The following MOB3B variants were observed in gnomAD, a reference collection of about 807,000 sequenced individuals.
MOB3B encodes MOB kinase activator-like 2B.
In MOB3B, 7 loss-of-function variants were observed where a neutral mutation model predicts 18.7. The ratio of observed to expected loss-of-function variants is 0.37; its 90% CI spans 0.21 to 0.70. The LOEUF (loss-of-function observed/expected upper bound fraction) is 0.70, where lower values mean the gene tolerates loss of function less well. Ranked by LOEUF, MOB3B falls within the 30% of genes least tolerant of loss-of-function variation. MOB3B has a pLI of 0.52. For missense variants in MOB3B, 253 were observed against 281.3 expected, an observed-to-expected ratio of 0.90 and a Z score of 0.72; for synonymous variants, 111 against 99.9, an observed-to-expected ratio of 1.11 and a Z score of -0.66.
intron 1 of MOB3B, chr9:27,524,407 G>C (rs1820395287): frequency 1.9e-6 from 3 of 1,613,872 alleles, no homozygotes; most frequent in Admixed American, 3.3e-5. Flanking sequence ...TTCATTGCTG[G>C]CACCCTATCC....
At chr9:27,338,639 C>T (rs919199762) in intron 3 of MOB3B, among the ~76,000 whole-genome samples, 4 of 152,330 alleles carry the variant, frequency 2.6e-5, no homozygotes, top group East Asian at 1.9e-4. Flanking sequence ...TGTGGCAAAG[C>T]GGGAACCGTA....
At chr9:27,372,173 T>C (rs1166393817) in intron 2 of MOB3B, among the ~76,000 whole-genome samples, 1 of 152,104 alleles carries the variant, frequency 6.6e-6, no homozygotes, top group Non-Finnish European at 1.5e-5. Flanking sequence ...TGGGACACCT[T>C]AGTGTCAGAA....
At chr9:27,358,201 T>C (rs561942457) in intron 3 of MOB3B, among the ~76,000 whole-genome samples, 20 of 152,356 alleles carry the variant, frequency 1.3e-4, no homozygotes, top group African/African-American at 4.6e-4. Flanking sequence ...GTAGTTGCTC[T>C]GTCAGTTATA....
chr9:27,481,505 T>C (rs10967955), intron 1 of MOB3B, among the ~76,000 whole-genome samples: 1 of 51,612 alleles, frequency 1.9e-5, no homozygotes, highest in African/African-American at 6.3e-5. Flanking sequence ...TAGTTTTTTT[T>C]TTTTTGTTTT....
chr9:27,342,564 C>A (rs1189250247), intron 3 of MOB3B, among the ~76,000 whole-genome samples: 1 of 152,148 alleles, frequency 6.6e-6, no homozygotes. Flanking sequence ...CGCAACCTCC[C>A]TGCCTGATTC....
At chr9:27,381,306 A>C (rs1268440456) in intron 2 of MOB3B, among the ~76,000 whole-genome samples, 1 of 152,070 alleles carries the variant, frequency 6.6e-6, no homozygotes, top group African/African-American at 2.4e-5. Flanking sequence ...TCCCACAAAA[A>C]TAAATGGCTG....
At chr9:27,407,380 G>T (rs543917592) in intron 2 of MOB3B, among the ~76,000 whole-genome samples, 7 of 152,272 alleles carry the variant, frequency 4.6e-5, no homozygotes, top group East Asian at 1.9e-4. Context: ...GTTTTATTTA[G>T]TTATAAAGAG....
At chr9:27,511,117 T>C (rs1820135534) in intron 1 of MOB3B, among the ~76,000 whole-genome samples, 1 of 152,186 alleles carries the variant, frequency 6.6e-6, no homozygotes, top group Non-Finnish European at 1.5e-5. Context: ...TTAACTCATT[T>C]TTGTCAGAAG....
intron 1 of MOB3B, among the ~76,000 whole-genome samples, chr9:27,522,242 CAAAAAAAAAAA>C (rs1171362204): frequency 8.9e-5 from 5 of 56,038 alleles, no homozygotes; most frequent in East Asian, 1.2e-3. Context: ...CCCCGTCTCA[CAAAAAAAAAAA>C]AAAAAAAAAA....
chr9:27,496,644 A>C (rs1819905166), intron 1 of MOB3B, among the ~76,000 whole-genome samples: 1 of 152,208 alleles, frequency 6.6e-6, no homozygotes. Context: ...GGAAACTGTA[A>C]TTAGGTGTGT....
chr9:27,502,082 C>A (rs1336379779), intron 1 of MOB3B, among the ~76,000 whole-genome samples: 1 of 152,148 alleles, frequency 6.6e-6, no homozygotes, highest in Non-Finnish European at 1.5e-5. Flanking sequence ...TATACACGAT[C>A]CTTCTCCCTA....
intron 1 of MOB3B, among the ~76,000 whole-genome samples, chr9:27,517,906 G>C (rs1563888613): frequency 1.3e-5 from 2 of 152,064 alleles, no homozygotes; most frequent in Non-Finnish European, 2.9e-5. Flanking sequence ...CCCATTCCAA[G>C]CTTCTTCTCA....
chr9:27,380,535 C>T (rs769925162), intron 2 of MOB3B, among the ~76,000 whole-genome samples: 49 of 152,130 alleles, frequency 3.2e-4, no homozygotes, highest in Non-Finnish European at 4.0e-4. Context: ...CCACGCCCCG[C>T]CAAGAGATAG....
chr9:27,413,430 T>C (rs924165792), intron 2 of MOB3B, among the ~76,000 whole-genome samples: 4 of 152,174 alleles, frequency 2.6e-5, no homozygotes, highest in Non-Finnish European at 4.4e-5. Context: ...GGAGGACCAC[T>C]GCACTGAATA....
At chr9:27,411,197 T>C (rs1822061276) in intron 2 of MOB3B, among the ~76,000 whole-genome samples, 1 of 152,232 alleles carries the variant, frequency 6.6e-6, no homozygotes. Context: ...TAGCTGTACC[T>C]CTTCTAGGGA....
intron 3 of MOB3B, among the ~76,000 whole-genome samples, chr9:27,336,816 C>T (rs73643189): frequency 0.059 from 8,997 of 152,092 alleles, 341 homozygotes; most frequent in South Asian, 0.16. Flanking sequence ...GGAAACAGAA[C>T]GGAAAGTAGG....
chr9:27,414,666 C>T (rs1019890900), intron 2 of MOB3B, among the ~76,000 whole-genome samples: 1 of 152,142 alleles, frequency 6.6e-6, no homozygotes, highest in Non-Finnish European at 1.5e-5. Flanking sequence ...CAAAGTGCTG[C>T]CTCACTACTT....
At chr9:27,399,125 T>C (rs1226520572) in intron 2 of MOB3B, among the ~76,000 whole-genome samples, 1 of 152,150 alleles carries the variant, frequency 6.6e-6, no homozygotes, top group Admixed American at 6.5e-5. Flanking sequence ...AGATCTACTA[T>C]TATCATGCAT....
intron 3 of MOB3B, among the ~76,000 whole-genome samples, chr9:27,341,182 G>T (rs1302918753): frequency 1.3e-5 from 2 of 152,232 alleles, no homozygotes; most frequent in Non-Finnish European, 2.9e-5. Context: ...TAGGTTGCAG[G>T]CACCAGAGTT....
Sources: gnomAD v4.1 joint callset for allele counts (sites outside exome capture counted in the v4.1 genomes callset) on GRCh38, gnomAD v4.1.1 for gene constraint, MANE v1.5 for transcripts, NCBI Gene and HGNC (gene_info 2026-07-23, HGNC 2026-07-21) for gene names.